Variants in HYCC2 observed in about 807,000 individuals in gnomAD.
HYCC2 encodes the protein hyccin PI4KA lipid kinase complex subunit 2.
At chr2:200,985,051 C>T in the HYCC2 span, among the ~76,000 whole-genome samples, 1 of 151,996 alleles carries the variant, frequency 6.6e-6, no homozygotes, top group South Asian at 2.1e-4. Context: ...TCTGAGGTTA[C>T]AGTGAGCTAT....
chr2:201,065,573 T>C, the HYCC2 span, among the ~76,000 whole-genome samples: 5 of 152,238 alleles, frequency 3.3e-5, no homozygotes, highest in East Asian at 7.7e-4. Context: ...TTCTTCATAA[T>C]ATTTCTAGCA....
chr2:201,064,603 C>G, the HYCC2 span, among the ~76,000 whole-genome samples: 1 of 152,042 alleles, frequency 6.6e-6, no homozygotes, highest in Admixed American at 6.5e-5. Flanking sequence ...ATTACCCAAG[C>G]AAAATCATGG....
chr2:200,987,473 C>T, the HYCC2 span: 1 of 1,289,666 alleles, frequency 7.8e-7, no homozygotes, highest in Admixed American at 2.3e-5. Context: ...TCAGTGGAGC[C>T]GTGTTGGATC....
chr2:201,007,545 A>G, the HYCC2 span, among the ~76,000 whole-genome samples: 1 of 152,202 alleles, frequency 6.6e-6, no homozygotes, highest in Non-Finnish European at 1.5e-5. Context: ...TTGAACCATA[A>G]TAATTCATGG....
At chr2:201,017,110 T>C in the HYCC2 span, 1 of 1,614,024 alleles carries the variant, frequency 6.2e-7, no homozygotes, top group Non-Finnish European at 8.5e-7. Context: ...GTGAACCTCT[T>C]AAGTCGAACC....
chr2:201,021,286 G>A, the HYCC2 span, among the ~76,000 whole-genome samples: 1 of 152,048 alleles, frequency 6.6e-6, no homozygotes, highest in Non-Finnish European at 1.5e-5. Context: ...CTTCTAACCT[G>A]ACAGGAGACA....
At chr2:201,034,006 C>A in the HYCC2 span, among the ~76,000 whole-genome samples, 1 of 150,868 alleles carries the variant, frequency 6.6e-6, no homozygotes, top group Non-Finnish European at 1.5e-5. Flanking sequence ...CATCTCCAGG[C>A]TAAATTACTA....
chr2:201,011,016 G>A, the HYCC2 span, among the ~76,000 whole-genome samples: 4 of 151,876 alleles, frequency 2.6e-5, no homozygotes, highest in Admixed American at 6.6e-5. Flanking sequence ...ATGGTGGCAC[G>A]TGTCTATAGT....
At chr2:201,061,055 G>A in the HYCC2 span, among the ~76,000 whole-genome samples, 1 of 145,060 alleles carries the variant, frequency 6.9e-6, no homozygotes, top group African/African-American at 2.6e-5. Flanking sequence ...AATGGGTTAA[G>A]AAAATAAATA....
chr2:200,997,457 C>A, the HYCC2 span: 1 of 1,605,074 alleles, frequency 6.2e-7, no homozygotes, highest in Non-Finnish European at 8.5e-7. Flanking sequence ...GGAACCCATC[C>A]GACAAAGAGA....
the HYCC2 span, among the ~76,000 whole-genome samples, chr2:201,028,708 CG>C: frequency 3.3e-5 from 5 of 152,000 alleles, no homozygotes; most frequent in African/African-American, 1.2e-4. Context: ...AAACAAGAAA[CG>C]GGGAAAGGAT....
At chr2:200,996,020 T>C in the HYCC2 span, 1 of 148,962 alleles carries the variant, frequency 6.7e-6, no homozygotes, top group Admixed American at 6.8e-5. Context: ...CTTAAATTTT[T>C]CTTTTTTCTT....
At chr2:201,021,253 A>T in the HYCC2 span, among the ~76,000 whole-genome samples, 1 of 152,174 alleles carries the variant, frequency 6.6e-6, no homozygotes, top group African/African-American at 2.4e-5. Context: ...TATTTTTCTG[A>T]AGTCTGAACA....
chr2:201,063,380 C>A, the HYCC2 span: 1 of 1,579,600 alleles, frequency 6.3e-7, no homozygotes, highest in African/African-American at 1.3e-5. Flanking sequence ...TTCTCAAAGA[C>A]CAGGTGCCCA....
chr2:201,012,603 G>C, the HYCC2 span, among the ~76,000 whole-genome samples: 1 of 152,056 alleles, frequency 6.6e-6, no homozygotes, highest in African/African-American at 2.4e-5. Flanking sequence ...ATGGACAATG[G>C]TATCCTTCAT....
the HYCC2 span, chr2:200,992,164 C>T: frequency 1.3e-5 from 9 of 677,664 alleles, no homozygotes; most frequent in Non-Finnish European, 2.1e-5. Flanking sequence ...AACAGTTAAC[C>T]AACTGTTATC....
the HYCC2 span, among the ~76,000 whole-genome samples, chr2:200,993,971 A>AAAAT: frequency 1.3e-4 from 20 of 152,170 alleles, no homozygotes; most frequent in South Asian, 2.1e-4. Flanking sequence ...CTCTGTCTCA[A>AAAAT]AAATAAATAA....
chr2:201,061,729 T>A, the HYCC2 span, among the ~76,000 whole-genome samples: 1 of 152,080 alleles, frequency 6.6e-6, no homozygotes, highest in Non-Finnish European at 1.5e-5. Context: ...CTGACTGTCA[T>A]TTTTTAGACT....
the HYCC2 span, among the ~76,000 whole-genome samples, chr2:201,032,723 C>T: frequency 6.6e-6 from 1 of 152,146 alleles, no homozygotes; most frequent in African/African-American, 2.4e-5. Context: ...GTGGTGCAAT[C>T]ATAGCTCACT....
Sources: allele counts gnomAD v4.1 joint callset (sites outside exome capture counted in the v4.1 genomes callset), GRCh38; gene constraint gnomAD v4.1.1; transcripts MANE v1.5; gene names NCBI Gene and HGNC (gene_info 2026-07-23, HGNC 2026-07-21).